DSCAML1: variants seen among roughly 807,000 people sequenced by gnomAD.
DSCAML1 encodes DS cell adhesion molecule like 1.
DSCAML1 carries 38 observed loss-of-function variants against 200.5 expected under a neutral mutation model. The observed-to-expected ratio is 0.19, with a 90% CI of 0.15 to 0.25. The LOEUF is 0.25. Ranked by LOEUF, DSCAML1 falls within the 10% of genes least tolerant of loss-of-function variation. The pLI, the probability that DSCAML1 is intolerant of heterozygous loss-of-function variation, is 1.00. For synonymous variants in DSCAML1, 1,215 were observed against 1,165.0 expected (o/e 1.04, Z -0.87); for missense variants, 2,223 against 2,858.8 (o/e 0.78, Z 5.07).
At chr11:117,807,828 G>A (rs12790243) in intron 1 of DSCAML1, among the ~76,000 whole-genome samples, 70,009 of 151,888 alleles carry the variant, frequency 0.46, 16,310 homozygotes, top group Middle Eastern at 0.5. Flanking sequence ...TCTGGCTTTC[G>A]TCGGAGTTAA....
At position 117,807,914 on chromosome 11, in the gene DSCAML1, T is replaced by C. The variant is rs150703036; in HGVS notation, c.-250+9476A>G. Among the ~76,000 whole-genome samples the C allele has an allele frequency of 5.1e-3, 772 of 152,238 alleles. 5 individuals carry two copies. The highest frequency in any genetic ancestry group is 0.017 in the African/African-American group (721 of 41,548). On this transcript the variant is annotated intron_variant, in intron 1 of 2. Coordinates refer to the DSCAML1 transcript ENST00000525836. The stretch of plus-strand genomic sequence containing the variant: ...TCGGCTCACTGCAACCTCCACCTCC[T>C]GGGTTCAAATGATTCTCCCACCTCA...
At chr11:117,584,775 T>A (rs2051110692) in intron 3 of DSCAML1, among the ~76,000 whole-genome samples, 1 of 152,202 alleles carries the variant, frequency 6.6e-6, no homozygotes. Context: ...AGAGAGGATG[T>A]GGCATATTCA....
intron 17 of DSCAML1, among the ~76,000 whole-genome samples, chr11:117,464,176 C>T (rs987238911): frequency 1.3e-5 from 2 of 152,138 alleles, no homozygotes; most frequent in African/African-American, 4.8e-5. Context: ...TGGCCTCAGA[C>T]CCTAGCTTTG....
Position 117,516,026 on chromosome 11 carries a change from C to T in DSCAML1, c.1783+441G>A, listed in dbSNP as rs559628486. Among the ~76,000 whole-genome samples the T allele has an allele frequency of 8.6e-4, 131 of 152,242 alleles. No individual in the cohort carries two copies. The highest frequency in any genetic ancestry group is 3.0e-3 in the African/African-American group (123 of 41,532). ...TAGAAGCAGCCTGGGTACTGTGTAT[C>T]CCACAGGGGGTCAGGGCTCCCAGCG... On this transcript the variant is annotated intron_variant, in intron 8 of 32. Coordinates refer to ENST00000651296, the MANE Select transcript of DSCAML1 (RefSeq NM_020693.4). This position sits in a 1 kb window ranked among gnomAD's most constrained non-coding sequence, Gnocchi z 5.7.
chr11:117,501,787 T>C (rs1334865404), intron 11 of DSCAML1, among the ~76,000 whole-genome samples: 1 of 151,802 alleles, frequency 6.6e-6, no homozygotes, highest in Non-Finnish European at 1.5e-5. Flanking sequence ...CCCCGAGGTG[T>C]GGAGAGACAG....
intron 30 of DSCAML1, 119 bp from the exon 31 acceptor site, chr11:117,431,847 G>C: frequency 1.0e-6 from 1 of 971,752 alleles, no homozygotes; most frequent in Non-Finnish European, 1.5e-6. Flanking sequence ...AGCCACAGAA[G>C]CGCCCTTGGG....
chr11:117,707,140 G>A (rs1268305497), intron 3 of DSCAML1, among the ~76,000 whole-genome samples: 1 of 152,218 alleles, frequency 6.6e-6, no homozygotes, highest in Non-Finnish European at 1.5e-5. Flanking sequence ...AGTGCCTCAA[G>A]TTCCTGACAT....
At chr11:117,636,687 T>C (rs868642937) in intron 3 of DSCAML1, among the ~76,000 whole-genome samples, 21 of 152,230 alleles carry the variant, frequency 1.4e-4, no homozygotes, top group African/African-American at 5.1e-4. Flanking sequence ...AATCAGGTCC[T>C]GGGCTTAAAA....
chr11:117,439,017 G>T, intron 23 of DSCAML1, 34 bp from the exon 24 acceptor site: 1 of 1,570,310 alleles, frequency 6.4e-7, no homozygotes, highest in Non-Finnish European at 8.6e-7. Context: ...CTTAGCACAA[G>T]GGCGGACCCT....
intron 3 of DSCAML1, among the ~76,000 whole-genome samples, chr11:117,644,092 C>T (rs894917320): frequency 2.0e-5 from 3 of 152,226 alleles, no homozygotes; most frequent in African/African-American, 7.2e-5. Context: ...AGACTCCTTG[C>T]AGGAAGGGGC....
intron 3 of DSCAML1, among the ~76,000 whole-genome samples, chr11:117,551,640 G>C (rs2050467766): frequency 6.6e-6 from 1 of 152,152 alleles, no homozygotes; most frequent in East Asian, 1.9e-4. Flanking sequence ...TGCCTCCTTG[G>C]CCTATAAGAT....
At position 117,439,000 on chromosome 11, in the gene DSCAML1, A is replaced by G; in HGVS notation, c.4145-17T>C. 6.3e-7 allele frequency: 1 copy of G among 1,592,282 alleles called. No homozygotes were observed. The highest frequency in any genetic ancestry group is 8.5e-7 in the Non-Finnish European group (1 of 1,171,018). ...CCGGGGGAACTGTGAGGGGAAAGCC[A>G]CCACCCCTTAGCACAAGGGCGGACC... On this transcript the variant is annotated splice_polypyrimidine_tract_variant and intron_variant, in intron 23 of 32. Transcript: ENST00000651296.
chr11:117,746,476 GA>G (rs1565259894), intron 3 of DSCAML1, among the ~76,000 whole-genome samples: 1 of 152,076 alleles, frequency 6.6e-6, no homozygotes, highest in Non-Finnish European at 1.5e-5. Context: ...TTGGACCCAG[GA>G]GGCCAAGAGA....
rs2050140511 is a variant in DSCAML1 at position 117,535,010 on chromosome 11, T to C, written c.512-2488A>G. 2.0e-5 allele frequency among the ~76,000 whole-genome samples: 3 copies of C among 152,238 alleles called. No individual in the cohort carries two copies. The South Asian group carries it at 6.2e-4, about 32-fold the overall frequency. On this transcript the variant is annotated intron_variant, in intron 3 of 32. Transcript: ENST00000651296. ...ATTCCAATTGCCCCTCCCTCCCTCC[T>C]TTCTTTCCTCCCTCCCGCACATCTC...
Position 117,436,975 on chromosome 11 carries a change from C to T in DSCAML1, c.4720+147G>A, listed in dbSNP as rs567250396. 40 of 1,189,172 alleles carry T rather than the reference C, an allele frequency of 3.4e-5. No homozygotes were observed. The African/African-American group carries it at 5.5e-4, about 16-fold the overall frequency. The allele number at this position is 1,189,172 out of a possible 1,614,324, so 73.7% of individuals were successfully genotyped here. A position where few individuals can be genotyped will look rare whatever the true frequency, so the allele number is the denominator to read the frequency against. On this transcript the variant is annotated intron_variant, in intron 26 of 32. Transcript: ENST00000651296. ...AACCTGATGTCCCCTTTGTCAGCCC[C>T]TTCACCTGCAGGCCAGCATTTCCCC... is the stretch of plus-strand genomic sequence containing the variant.
chr11:117,697,328 G>A (rs544636031), intron 3 of DSCAML1, among the ~76,000 whole-genome samples: 5 of 152,258 alleles, frequency 3.3e-5, no homozygotes, highest in African/African-American at 1.2e-4. Context: ...ATACACTGAT[G>A]GGAAGATCCA....
Position 117,634,507 on chromosome 11 carries a change from C to T in DSCAML1, c.512-101985G>A, listed in dbSNP as rs1591345522. Among the ~76,000 whole-genome samples the T allele has an allele frequency of 2.0e-5, 3 of 152,348 alleles. No individual in the cohort carries two copies. In the East Asian group the frequency reaches 5.8e-4, roughly 29 times the overall value. ...GCTTTAGGGGGCCAGGCAAAGGTAA[C>T]ACATGCTGCAAGATGTGGCGGGCCT... On this transcript the variant is annotated intron_variant, in intron 3 of 32. Transcript: ENST00000651296.
chr11:117,652,918 T>C (rs1443254510), intron 3 of DSCAML1, among the ~76,000 whole-genome samples: 1 of 152,136 alleles, frequency 6.6e-6, no homozygotes, highest in Non-Finnish European at 1.5e-5. Flanking sequence ...TAGGGGATGG[T>C]TTTGCCTTCT....
intron 1 of DSCAML1, among the ~76,000 whole-genome samples, chr11:117,789,281 A>G (rs1211951756): frequency 6.6e-6 from 1 of 151,956 alleles, no homozygotes; most frequent in East Asian, 1.9e-4. Flanking sequence ...TGTCGGACAG[A>G]CTCTTTAATC....
Sources: allele counts gnomAD v4.1 joint callset (sites outside exome capture counted in the v4.1 genomes callset), GRCh38; gene constraint gnomAD v4.1.1; non-coding constraint Gnocchi (gnomAD v3.1); transcripts MANE v1.5; gene names NCBI Gene and HGNC (gene_info 2026-07-23, HGNC 2026-07-21).